Variants in SLC39A12 observed in about 807,000 individuals in gnomAD.
The protein encoded by SLC39A12 is solute carrier family 39 member 12.
SLC39A12 carries 63 observed loss-of-function variants against 71.1 expected under a neutral mutation model. The observed-to-expected ratio is 0.89, with a 90% CI of 0.72 to 1.09. SLC39A12 has a LOEUF of 1.09. SLC39A12 is among the 50% of genes least tolerant of loss of function. The pLI is 0.00. For synonymous variants in SLC39A12, 351 were observed against 301.3 expected (o/e 1.16, Z -1.71); for missense variants, 892 against 812.6 (o/e 1.10, Z -1.19).
chr10:18,042,810 T>G lies in SLC39A12; in HGVS notation c.2053T>G (p.Tyr685Asp). The change falls in exon 13 of 13, where the codon TAT becomes GAT. Residue 685 changes from tyrosine to aspartate, a missense_variant. Physicochemically the swap from Tyr to Asp is radical, Grantham distance 160. Transcript: ENST00000377369. ...GCTTTCTCTCCTGCTCTTGGCTATA[T>G]ATGAGCAAAATATTAAAATATAAGT... ...GWLSLLLLAI[Y>D]EQNIKI is the part of the protein sequence containing the mutation. 1 of 1,609,828 alleles carries G rather than the reference T, an allele frequency of 6.2e-7. No homozygotes were observed. Among genetic ancestry groups the G allele is most frequent in the Non-Finnish European group, 8.5e-7 (1 of 1,178,498 alleles).
chr10:18,035,029 A>C (rs1222798989), intron 12 of SLC39A12, among the ~76,000 whole-genome samples: 1 of 147,770 alleles, frequency 6.8e-6, no homozygotes, highest in Non-Finnish European at 1.5e-5. Flanking sequence ...TGTTAGTCTG[A>C]TGGGCTTCCC....
At chr10:18,021,600 G>A (rs909269136) in intron 12 of SLC39A12, among the ~76,000 whole-genome samples, 2 of 152,074 alleles carry the variant, frequency 1.3e-5, no homozygotes, top group Non-Finnish European at 2.9e-5. Flanking sequence ...CTTTTAAGTG[G>A]AGCATTTAGC....
intron 12 of SLC39A12, among the ~76,000 whole-genome samples, chr10:18,013,362 T>A (rs143814000): frequency 7.9e-5 from 11 of 138,530 alleles, no homozygotes; most frequent in African/African-American, 3.5e-4. Context: ...ATTATTATTA[T>A]TATTATTATT....
chr10:17,988,118 G>A (rs2130820472), intron 7 of SLC39A12, among the ~76,000 whole-genome samples: 1 of 152,282 alleles, frequency 6.6e-6, no homozygotes, highest in African/African-American at 2.4e-5. Context: ...GACCAGCCTG[G>A]ACAGCATGGT....
intron 6 of SLC39A12, 72 bp from the exon 7 acceptor site, chr10:17,987,407 G>A (rs1464808624): frequency 1.4e-6 from 2 of 1,429,378 alleles, no homozygotes; most frequent in Non-Finnish European, 1.9e-6. Flanking sequence ...AATTCTTCTG[G>A]CATTTTCGCC....
intron 12 of SLC39A12, among the ~76,000 whole-genome samples, chr10:18,036,786 A>T (rs4027248): frequency 0.13 from 1,244 of 9,348 alleles, 85 homozygotes; most frequent in African/African-American, 0.36. Flanking sequence ...ATATATATAT[A>T]TATATATATT....
At chr10:17,958,810 A>G (rs913518136) in intron 2 of SLC39A12, among the ~76,000 whole-genome samples, 3 of 152,188 alleles carry the variant, frequency 2.0e-5, no homozygotes, top group Non-Finnish European at 4.4e-5. Context: ...TAATTGAGTA[A>G]TTGATCTTCT....
intron 12 of SLC39A12, among the ~76,000 whole-genome samples, chr10:18,012,865 CAAAAAAAAAA>C (rs35173291): frequency 9.6e-6 from 1 of 104,384 alleles, no homozygotes; most frequent in Non-Finnish European, 1.9e-5. Context: ...GACTACGTCT[CAAAAAAAAAA>C]AAAAAAAAAA....
At chr10:17,987,002 C>T (rs1446096516) in intron 6 of SLC39A12, among the ~76,000 whole-genome samples, 2 of 152,118 alleles carry the variant, frequency 1.3e-5, no homozygotes, top group African/African-American at 2.4e-5. Flanking sequence ...GAGAACCTGT[C>T]TCAAAAACAA....
In SLC39A12 at chr10:18,043,254, T is replaced by G. The variant is rs1461057981; in HGVS notation, c.*421T>G. ...AATTATAAACTATAAGCAAGTTAAG[T>G]GACAAGCAAATGTAATAAAGACTAG... On this transcript the variant is annotated 3_prime_UTR_variant, in exon 13 of 13. Coordinates refer to ENST00000377369, the MANE Select transcript of SLC39A12 (RefSeq NM_001145195.2). 6.5e-6 allele frequency: 1 copy of G among 153,308 alleles called. No individual in the cohort carries two copies. The highest frequency in any genetic ancestry group is 2.4e-5 in the African/African-American group (1 of 41,468). The allele number at this position is 153,308 out of a possible 1,614,324, so 9.5% of individuals were successfully genotyped here. A position where few individuals can be genotyped will look rare whatever the true frequency, so the allele number is the denominator to read the frequency against.
At chr10:18,005,968 T>C (rs1394686162) in intron 12 of SLC39A12, 3 of 152,200 alleles carry the variant, frequency 2.0e-5, no homozygotes, top group Non-Finnish European at 4.4e-5. Context: ...TAGCAATAAG[T>C]TTAACTGTTG....
intron 4 of SLC39A12, among the ~76,000 whole-genome samples, chr10:17,970,858 A>G (rs867371128): frequency 2.0e-5 from 3 of 152,066 alleles, no homozygotes; most frequent in Non-Finnish European, 4.4e-5. Flanking sequence ...AGTGGTGACA[A>G]TGGGCATCCT....
intron 12 of SLC39A12, chr10:18,005,869 G>A (rs567655687): frequency 1.3e-5 from 2 of 151,886 alleles, no homozygotes; most frequent in African/African-American, 2.4e-5. Context: ...AAAAATACTT[G>A]TGAGTTTCCC....
rs565288560 is a variant in SLC39A12 at position 18,018,311 on chromosome 10, T to C, written c.1947+14953T>C. Among the ~76,000 whole-genome samples, 3 of 152,322 alleles carry C rather than the reference T, an allele frequency of 2.0e-5. No individual in the cohort carries two copies. The East Asian group carries it at 5.8e-4, about 29-fold the overall frequency. ...ATCTTTTAGATTTTCTTTACAGTTA[T>C]CATGTCATCCGTGAACAAAGGCGGT... On this transcript the variant is annotated intron_variant, in intron 12 of 12. Coordinates refer to ENST00000377369, the MANE Select transcript of SLC39A12 (RefSeq NM_001145195.2).
intron 2 of SLC39A12, 121 bp downstream of exon 2, chr10:17,953,658 A>G: frequency 8.6e-7 from 1 of 1,156,406 alleles, no homozygotes; most frequent in Non-Finnish European, 1.2e-6. Context: ...CAATTGAGCA[A>G]TGCATTCTGG....
intron 6 of SLC39A12, 135 bp from the exon 7 acceptor site, chr10:17,987,344 A>C: frequency 1.3e-6 from 1 of 749,224 alleles, no homozygotes; most frequent in East Asian, 2.7e-5. Flanking sequence ...CAAAATAAAA[A>C]CAAAACACTT....
chr10:18,017,307 GTAAT>G (rs1239601533), intron 12 of SLC39A12, among the ~76,000 whole-genome samples: 2 of 151,916 alleles, frequency 1.3e-5, no homozygotes, highest in Non-Finnish European at 2.9e-5. Context: ...TTATTGTGAA[GTAAT>G]TAATTTTTTC....
chr10:17,978,727 C>T (rs939218311), intron 5 of SLC39A12, among the ~76,000 whole-genome samples: 3 of 152,222 alleles, frequency 2.0e-5, no homozygotes, highest in Non-Finnish European at 4.4e-5. Context: ...GTGCAAAACA[C>T]ACACAACAAC....
chr10:18,003,265 C>A lies in SLC39A12; in HGVS notation c.1854C>A (p.Tyr618Ter), dbSNP rs769322247. The change falls in exon 12 of 13, where the codon TAC (tyrosine) becomes TAA (stop). Residue 618 changes from tyrosine to a stop codon, truncating the protein, a stop_gained. Coordinates refer to ENST00000377369, the MANE Select transcript of SLC39A12 (RefSeq NM_001145195.2). LOFTEE classifies it high-confidence loss of function. ...ISSLTAFMGL[Y>*]IGLSVSADPC... The stretch of plus-strand genomic sequence containing the variant: ...CCCTAACTGCCTTCATGGGATTATA[C>A]ATTGGCCTTTCCGTGTCAGCTGATC... The A allele has an allele frequency of 6.2e-7, 1 of 1,614,056 alleles. No homozygotes were observed. Among genetic ancestry groups the A allele is most frequent in the South Asian group, 1.1e-5 (1 of 91,076 alleles).
Sources: gnomAD v4.1 joint callset for allele counts (sites outside exome capture counted in the v4.1 genomes callset) on GRCh38, gnomAD v4.1.1 for gene constraint, MANE v1.5 for transcripts, NCBI Gene and HGNC (gene_info 2026-07-23, HGNC 2026-07-21) for gene names.